The following LRP1B variants were observed in gnomAD, a reference collection of about 807,000 sequenced individuals.
LRP1B encodes LDL receptor related protein 1B, also known as low-density lipoprotein receptor-related protein 1B.
A neutral mutation model predicts 556.6 loss-of-function variants in LRP1B; 217 were observed. The observed-to-expected ratio is 0.39, with a 90% confidence interval of 0.35 to 0.44. The LOEUF (loss-of-function observed/expected upper bound fraction) is 0.44. LRP1B is among the 20% of genes least tolerant of loss of function. LRP1B has a pLI of 1.00. For missense variants in LRP1B, 5,053 were observed against 5,620.8 expected, an observed-to-expected ratio of 0.90 and a Z score of 3.23; for synonymous variants, 2,047 against 1,865.8, an observed-to-expected ratio of 1.10 and a Z score of -2.50.
chr2:141,091,627 C>T (rs1166249283), intron 7 of LRP1B, among the ~76,000 whole-genome samples: 1 of 152,140 alleles, frequency 6.6e-6, no homozygotes, highest in Admixed American at 6.5e-5. Context: ...GGCAACCTGT[C>T]CAGGTTTGGG....
chr2:141,031,262 CACACACACACACACACACAT>C (rs986019602), intron 11 of LRP1B, among the ~76,000 whole-genome samples: 23 of 83,408 alleles, frequency 2.8e-4, no homozygotes, highest in African/African-American at 9.2e-4. Flanking sequence ...CACACACACA[CACACACACACACACACACAT>C]ACATACATAT....
At chr2:141,278,760 T>C (rs1422770790) in intron 3 of LRP1B, among the ~76,000 whole-genome samples, 1 of 152,226 alleles carries the variant, frequency 6.6e-6, no homozygotes, top group Non-Finnish European at 1.5e-5. Context: ...ACAGACTGAC[T>C]TCTGCCTAAA....
At chr2:141,987,372 C>A (rs1702223880) in intron 1 of LRP1B, among the ~76,000 whole-genome samples, 1 of 151,824 alleles carries the variant, frequency 6.6e-6, no homozygotes, top group African/African-American at 2.4e-5. Context: ...GCATCTTAAG[C>A]TCACTGAAGT....
chr2:140,965,947 G>T (rs71417121), intron 18 of LRP1B, among the ~76,000 whole-genome samples: 20,026 of 151,876 alleles, frequency 0.13, 1,387 homozygotes, highest in East Asian at 0.27. Context: ...TCTTAATCCA[G>T]TCTATCACTG....
intron 3 of LRP1B, among the ~76,000 whole-genome samples, chr2:141,475,108 T>G (rs1682647948): frequency 1.3e-5 from 2 of 152,152 alleles, no homozygotes; most frequent in South Asian, 4.1e-4. Flanking sequence ...GTGTGGTGGC[T>G]CACGCCTGTA....
intron 11 of LRP1B, among the ~76,000 whole-genome samples, chr2:141,043,174 G>A (rs1698756215): frequency 6.6e-6 from 1 of 150,744 alleles, no homozygotes; most frequent in African/African-American, 2.4e-5. Context: ...CTGCACTCCA[G>A]CCTGGATGAC....
intron 1 of LRP1B, among the ~76,000 whole-genome samples, chr2:141,848,429 A>G (rs1697729534): frequency 6.6e-6 from 1 of 151,426 alleles, no homozygotes. Context: ...TCATCATAAC[A>G]GAGTTAATGT....
At chr2:140,355,438 A>T (rs576345210) in intron 75 of LRP1B, among the ~76,000 whole-genome samples, 1 of 152,122 alleles carries the variant, frequency 6.6e-6, no homozygotes, top group South Asian at 2.1e-4. Context: ...ATCCAAATAC[A>T]CATTTAACTC....
chr2:141,627,100 A>C (rs1688728591), intron 2 of LRP1B, among the ~76,000 whole-genome samples: 1 of 152,230 alleles, frequency 6.6e-6, no homozygotes, highest in African/African-American at 2.4e-5. Context: ...CAGGCATTGC[A>C]ATCTTTTTTG....
At chr2:141,669,510 G>C (rs1177301817) in intron 2 of LRP1B, among the ~76,000 whole-genome samples, 1 of 152,062 alleles carries the variant, frequency 6.6e-6, no homozygotes, top group Non-Finnish European at 1.5e-5. Context: ...CTCTAGGCAG[G>C]GAAGGTGTTC....
intron 82 of LRP1B, among the ~76,000 whole-genome samples, chr2:140,319,428 A>G (rs1433870500): frequency 1.3e-5 from 2 of 152,166 alleles, no homozygotes; most frequent in African/African-American, 2.4e-5. Context: ...GTGAGGGATT[A>G]TGTGGAACTG....
chr2:140,903,271 C>A lies in LRP1B; in HGVS notation c.3521-106G>T, dbSNP rs1419087457. The A allele has an allele frequency of 2.3e-6, 3 of 1,298,854 alleles. No homozygotes were observed. In the Admixed American group the frequency reaches 6.8e-5, roughly 29 times the overall value. 80.5% of individuals were successfully genotyped at this position (1,298,854 alleles called of 1,614,324 possible). ...AAGCCTACAATTAGCCAGGATACTA[C>A]AAATGAATATAAGAAAGCCCTCTTT... On this transcript the variant is annotated intron_variant, in intron 22 of 90. Transcript: ENST00000389484.
chr2:141,791,692 A>G (rs1695617000), intron 2 of LRP1B, among the ~76,000 whole-genome samples: 1 of 152,030 alleles, frequency 6.6e-6, no homozygotes, highest in African/African-American at 2.4e-5. Flanking sequence ...ACTAGTGTGG[A>G]ATGAGAACCA....
At chr2:141,671,511 G>T (rs1690665928) in intron 2 of LRP1B, among the ~76,000 whole-genome samples, 1 of 152,138 alleles carries the variant, frequency 6.6e-6, no homozygotes, top group African/African-American at 2.4e-5. Context: ...CTTATCCAAG[G>T]CAAGAATACT....
rs1223533005 is a variant in LRP1B, at chr2:142,025,110, AT to A, written c.82+105537del. On this transcript the variant is annotated intron_variant, in intron 1 of 90. Coordinates refer to ENST00000389484, the MANE Select transcript of LRP1B (RefSeq NM_018557.3). ...TTCCAAATGAATTTTTCTTATTTGCATTACTGGGTACCATGATTATCTTGTC... is the reference window on the plus strand; with the variant it reads ...TTCCAAATGAATTTTTCTTATTTGCATACTGGGTACCATGATTATCTTGTC... Among the ~76,000 whole-genome samples, 3 of 151,984 alleles carry A rather than the reference AT, an allele frequency of 2.0e-5. No homozygotes were observed. The South Asian group carries it at 6.2e-4, about 31-fold the overall frequency.
intron 2 of LRP1B, among the ~76,000 whole-genome samples, chr2:141,589,010 C>T (rs1687235187): frequency 6.6e-6 from 1 of 152,024 alleles, no homozygotes; most frequent in African/African-American, 2.4e-5. Flanking sequence ...CATTCCCTGG[C>T]TTTATTTTAA....
At chr2:141,212,965 ACTT>A (rs1362709775) in intron 6 of LRP1B, among the ~76,000 whole-genome samples, 1 of 151,928 alleles carries the variant, frequency 6.6e-6, no homozygotes, top group African/African-American at 2.4e-5. Flanking sequence ...GACCCAAAAC[ACTT>A]CTATTCTTTT....
chr2:141,309,705 G>A (rs762029288), intron 3 of LRP1B, among the ~76,000 whole-genome samples: 1 of 152,076 alleles, frequency 6.6e-6, no homozygotes, highest in Non-Finnish European at 1.5e-5. Flanking sequence ...ATACACCAGG[G>A]CCAGTTCGGG....
intron 3 of LRP1B, among the ~76,000 whole-genome samples, chr2:141,472,251 C>T (rs1030223434): frequency 6.6e-6 from 1 of 152,102 alleles, no homozygotes; most frequent in African/African-American, 2.4e-5. Flanking sequence ...TTGACTTACA[C>T]CTATTTAAAA....
Sources: gnomAD v4.1 joint callset for allele counts (sites outside exome capture counted in the v4.1 genomes callset) on GRCh38, gnomAD v4.1.1 for gene constraint, MANE v1.5 for transcripts, NCBI Gene and HGNC (gene_info 2026-07-23, HGNC 2026-07-21) for gene names.